SYNPR: variants seen among roughly 807,000 people sequenced by gnomAD.
SYNPR encodes synaptoporin.
In SYNPR, 23 loss-of-function variants were observed where a neutral mutation model predicts 32.9. The observed-to-expected ratio is 0.70, with a 90% CI of 0.50 to 0.99. SYNPR has a LOEUF of 0.99. Among genes scored for constraint, SYNPR ranks in the 50% least tolerant of loss-of-function variants. SYNPR has a pLI of 0.00. For missense variants in SYNPR, 318 were observed against 349.3 expected (o/e 0.91, Z 0.71); for synonymous variants, 146 against 135.9 (o/e 1.07, Z -0.52).
chr3:63,372,805 T>A (rs1370618194), intron 2 of SYNPR, among the ~76,000 whole-genome samples: 2 of 152,190 alleles, frequency 1.3e-5, no homozygotes, highest in Admixed American at 1.3e-4. Flanking sequence ...AGTAAAGATC[T>A]GCAGCTAGCA....
intron 3 of SYNPR, among the ~76,000 whole-genome samples, chr3:63,529,078 C>T (rs1387360045): frequency 2.0e-5 from 3 of 151,246 alleles, no homozygotes; most frequent in Non-Finnish European, 4.4e-5. Context: ...CACTAGCTTG[C>T]CTGACTCTAG....
intron 2 of SYNPR, among the ~76,000 whole-genome samples, chr3:63,441,075 A>G (rs1327824194): frequency 6.6e-6 from 1 of 152,192 alleles, no homozygotes; most frequent in Admixed American, 6.5e-5. Flanking sequence ...ACAATGGCAT[A>G]CAATTAGGCT....
At chr3:63,254,618 AT>A (rs978531733) in intron 2 of SYNPR, among the ~76,000 whole-genome samples, 1 of 152,188 alleles carries the variant, frequency 6.6e-6, no homozygotes, top group African/African-American at 2.4e-5. Flanking sequence ...AAGCCAGATA[AT>A]TTTTTATTGT....
intron 4 of SYNPR, among the ~76,000 whole-genome samples, chr3:63,581,943 CT>C (rs1703100535): frequency 6.6e-6 from 1 of 152,098 alleles, no homozygotes; most frequent in African/African-American, 2.4e-5. Flanking sequence ...CATAATTTGG[CT>C]TTCACATTCT....
At chr3:63,233,234 G>A (rs964972184) in intron 1 of SYNPR, among the ~76,000 whole-genome samples, 38 of 152,172 alleles carry the variant, frequency 2.5e-4, no homozygotes, top group Non-Finnish European at 4.9e-4. Flanking sequence ...AGATTCTTAA[G>A]CCGAATGGAA....
At chr3:63,327,808 G>T (rs1218277201) in intron 2 of SYNPR, among the ~76,000 whole-genome samples, 4 of 152,120 alleles carry the variant, frequency 2.6e-5, no homozygotes, top group Admixed American at 2.6e-4. Context: ...GGCTTCTGGG[G>T]TTCCAATAAT....
chr3:63,591,881 G>A (rs35284166), intron 4 of SYNPR, among the ~76,000 whole-genome samples: 36,768 of 143,186 alleles, frequency 0.26, 5,099 homozygotes, highest in South Asian at 0.42. Context: ...TGGGTGCAGC[G>A]CACCAGCATG....
intron 1 of SYNPR, among the ~76,000 whole-genome samples, chr3:63,244,765 T>C (rs2086272482): frequency 6.6e-6 from 1 of 152,108 alleles, no homozygotes; most frequent in African/African-American, 2.4e-5. Flanking sequence ...AAATCTGCTA[T>C]GCCTAGAAGC....
At chr3:63,497,167 G>C (rs959022272) in intron 3 of SYNPR, among the ~76,000 whole-genome samples, 1 of 152,100 alleles carries the variant, frequency 6.6e-6, no homozygotes, top group Non-Finnish European at 1.5e-5. Flanking sequence ...AGAAGTCTAT[G>C]ACAAATCACC....
intron 2 of SYNPR, among the ~76,000 whole-genome samples, chr3:63,261,121 C>T (rs937523576): frequency 6.6e-6 from 1 of 152,028 alleles, no homozygotes; most frequent in African/African-American, 2.4e-5. Flanking sequence ...GTTGGTGGGA[C>T]TGCAAACTCG....
intron 2 of SYNPR, among the ~76,000 whole-genome samples, chr3:63,391,284 A>G (rs945060541): frequency 6.6e-6 from 1 of 152,096 alleles, no homozygotes; most frequent in African/African-American, 2.4e-5. Context: ...TAAAATTTGC[A>G]CCAATGTGTC....
At chr3:63,416,531 TAA>T (rs60383627) in intron 2 of SYNPR, among the ~76,000 whole-genome samples, 7,794 of 105,224 alleles carry the variant, frequency 0.074, 482 homozygotes, top group African/African-American at 0.19. Flanking sequence ...GACTCTGTCT[TAA>T]AAAAAAAAAA....
At chr3:63,264,668 C>T (rs72878279) in intron 2 of SYNPR, among the ~76,000 whole-genome samples, 11,886 of 152,152 alleles carry the variant, frequency 0.078, 1,342 homozygotes, top group African/African-American at 0.25. Context: ...TCTCACACTG[C>T]TATGAGGAAA....
At chr3:63,553,772 A>G (rs1702543950) in intron 3 of SYNPR, among the ~76,000 whole-genome samples, 1 of 152,078 alleles carries the variant, frequency 6.6e-6, no homozygotes, top group Admixed American at 6.6e-5. Flanking sequence ...CCCAGGCTGG[A>G]GTGCAATGGC....
rs549578780 is a variant in SYNPR, at chr3:63,326,942, A to G, written c.84+48200A>G. 1.2e-4 allele frequency among the ~76,000 whole-genome samples: 19 copies of G among 152,204 alleles called. 1 individual carries two copies. In the Middle Eastern group the frequency reaches 0.01, roughly 82 times the overall value. On this transcript the variant is annotated intron_variant, in intron 2 of 5. Coordinates refer to ENST00000478300, the MANE Select transcript of SYNPR (RefSeq NM_001130003.2). The stretch of plus-strand genomic sequence containing the variant: ...CATCAGATTCATTTCCATGTTCCTA[A>G]ATTTTACCAAAGCCAATAATAATAC...
At chr3:63,389,340 G>A (rs760483573) in intron 2 of SYNPR, among the ~76,000 whole-genome samples, 5 of 152,272 alleles carry the variant, frequency 3.3e-5, no homozygotes, top group Admixed American at 2.0e-4. Context: ...TAGGGTCAAC[G>A]TATCTGCAGC....
chr3:63,250,237 A>G (rs1283893380), intron 1 of SYNPR, among the ~76,000 whole-genome samples: 1 of 152,156 alleles, frequency 6.6e-6, no homozygotes, highest in African/African-American at 2.4e-5. Context: ...TGGATATGCT[A>G]ATTGCTCTGG....
chr3:63,550,405 G>A (rs563203937), intron 3 of SYNPR, among the ~76,000 whole-genome samples: 60 of 150,758 alleles, frequency 4.0e-4, no homozygotes, highest in African/African-American at 1.3e-3. Flanking sequence ...GTGTGTGTGT[G>A]TATATATATA....
chr3:63,570,094 C>T (rs911702046), intron 4 of SYNPR, among the ~76,000 whole-genome samples: 1 of 152,116 alleles, frequency 6.6e-6, no homozygotes, highest in African/African-American at 2.4e-5. Flanking sequence ...ATTGAAAAAA[C>T]TAAGACCAAA....
Sources: allele counts gnomAD v4.1 joint callset (sites outside exome capture counted in the v4.1 genomes callset), GRCh38; gene constraint gnomAD v4.1.1; transcripts MANE v1.5; gene names NCBI Gene and HGNC (gene_info 2026-07-23, HGNC 2026-07-21).